MTARC2: variants seen among roughly 807,000 people sequenced by gnomAD.
MTARC2 encodes the protein MOCO sulphurase C-terminal domain containing 2.
A neutral mutation model predicts 35.6 loss-of-function variants in MTARC2; 27 were observed. That is an observed-to-expected ratio of 0.76 (90% CI 0.56 to 1.04). MTARC2 has a LOEUF of 1.04. MTARC2 is among the 50% of genes least tolerant of loss of function. The pLI, the probability that MTARC2 is intolerant of heterozygous loss-of-function variation, is 0.00. For synonymous variants in MTARC2, 158 were observed against 167.1 expected, an observed-to-expected ratio of 0.95 and a Z score of 0.42; for missense variants, 412 against 432.5, an observed-to-expected ratio of 0.95 and a Z score of 0.42.
intron 4 of MTARC2, among the ~76,000 whole-genome samples, chr1:220,775,704 G>A (rs551682253): frequency 2.2e-4 from 33 of 152,220 alleles, no homozygotes; most frequent in African/African-American, 7.7e-4. Context: ...GTAGGCTCCC[G>A]TGTCTGTTGT....
chr1:220,755,202 G>A (rs1470099434), intron 2 of MTARC2, 82 bp downstream of exon 2: 1 of 1,401,932 alleles, frequency 7.1e-7, no homozygotes, highest in East Asian at 2.4e-5. Flanking sequence ...TCTTGCTATA[G>A]TTTCTACAGT....
chr1:220,758,658 A>G (rs557327361), intron 2 of MTARC2, among the ~76,000 whole-genome samples: 19 of 152,312 alleles, frequency 1.2e-4, no homozygotes, highest in African/African-American at 4.6e-4. Context: ...ACCTCAAAGT[A>G]TCCACCTGCC....
chr1:220,762,763 G>A, intron 3 of MTARC2, 147 bp from the exon 4 acceptor site: 6 of 850,686 alleles, frequency 7.1e-6, no homozygotes, highest in Non-Finnish European at 1.1e-5. Context: ...GCCACTGCAA[G>A]CCCAAACTCA....
intron 3 of MTARC2, 121 bp downstream of exon 3, chr1:220,761,941 G>T: frequency 1.0e-6 from 1 of 984,124 alleles, no homozygotes. Flanking sequence ...AATGGCCCTG[G>T]TGAGTGATAA....
At chr1:220,780,359 A>C in intron 6 of MTARC2, 120 bp downstream of exon 6, 1 of 808,484 alleles carries the variant, frequency 1.2e-6, no homozygotes, top group Non-Finnish European at 1.9e-6. Context: ...AGAACCTTCC[A>C]GTCTACCTTC....
rs551990771 is a variant in MTARC2, at chr1:220,758,616, A to C, written c.447-3042A>C. ...TGTATTTTAGTAGAGGTGGGGTTTC[A>C]CCATGTTGGCCAGGTTGTTCTCGAA... On this transcript the variant is annotated intron_variant, in intron 2 of 7. Coordinates refer to ENST00000366913, the MANE Select transcript of MTARC2 (RefSeq NM_017898.5). 5.3e-5 allele frequency among the ~76,000 whole-genome samples: 8 copies of C among 152,112 alleles called. No individual in the cohort carries two copies. In the East Asian group the frequency reaches 1.4e-3, roughly 26 times the overall value.
intron 4 of MTARC2, among the ~76,000 whole-genome samples, chr1:220,764,900 A>G (rs953485745): frequency 6.6e-6 from 1 of 152,190 alleles, no homozygotes; most frequent in Non-Finnish European, 1.5e-5. Flanking sequence ...TTAAAATTCA[A>G]TCATCCATTA....
At chr1:220,761,558 G>T (rs1671436046) in intron 2 of MTARC2, 100 bp from the exon 3 acceptor site, 1 of 1,185,228 alleles carries the variant, frequency 8.4e-7, no homozygotes, top group Non-Finnish European at 1.2e-6. Flanking sequence ...CAGCCCTCTG[G>T]GATGGTCAGG....
intron 4 of MTARC2, among the ~76,000 whole-genome samples, chr1:220,775,380 CTAAG>C (rs1671872938): frequency 6.6e-6 from 1 of 152,104 alleles, no homozygotes; most frequent in South Asian, 2.1e-4. Context: ...TCCCATCACT[CTAAG>C]TAAATGTCAT....
At chr1:220,757,048 A>G (rs1671299247) in intron 2 of MTARC2, among the ~76,000 whole-genome samples, 1 of 152,230 alleles carries the variant, frequency 6.6e-6, no homozygotes, top group Non-Finnish European at 1.5e-5. Flanking sequence ...GATTAGAGGC[A>G]TGTGCCATGA....
intron 4 of MTARC2, 122 bp from the exon 5 acceptor site, chr1:220,779,896 G>C (rs1672019173): frequency 1.4e-6 from 1 of 693,454 alleles, no homozygotes; most frequent in Non-Finnish European, 2.2e-6. Flanking sequence ...ATATTTCTTG[G>C]TGTCACCTTG....
At position 220,761,790 on chromosome 1, in the gene MTARC2, ACTT is replaced by A. The variant is rs1473654069; in HGVS notation, c.582_584del (p.Leu195del). On this transcript the variant is annotated inframe_deletion, in exon 3 of 8. Coordinates refer to ENST00000366913, the MANE Select transcript of MTARC2 (RefSeq NM_017898.5). ...ACATGAAGGGAAGAACATCAAGAAA[ACTT>A]CTCCCCACTCTTGATCAGAATTTCC... The A allele has an allele frequency of 5.0e-6, 8 of 1,612,240 alleles. No individual in the cohort carries two copies. Among genetic ancestry groups the A allele is most frequent in the East Asian group, 2.2e-5 (1 of 44,848 alleles).
chr1:220,774,174 T>G (rs1170076841), intron 4 of MTARC2, among the ~76,000 whole-genome samples: 2 of 151,788 alleles, frequency 1.3e-5, no homozygotes, highest in Non-Finnish European at 2.9e-5. Context: ...GAAGCCATCC[T>G]CCTGCCTCAA....
intron 1 of MTARC2, among the ~76,000 whole-genome samples, chr1:220,754,115 T>G (rs1389747874): frequency 6.6e-6 from 1 of 152,172 alleles, no homozygotes. Context: ...ATATTGAAAT[T>G]TATTTTCCCT....
chr1:220,767,587 T>A (rs574595059), intron 4 of MTARC2, among the ~76,000 whole-genome samples: 8 of 152,368 alleles, frequency 5.3e-5, no homozygotes, highest in Admixed American at 4.6e-4. Context: ...GCTTCCTATC[T>A]CTGTAGTTGG....
At chr1:220,781,992 T>G (rs1033576694) in intron 7 of MTARC2, 60 bp downstream of exon 7, 4 of 1,419,728 alleles carry the variant, frequency 2.8e-6, no homozygotes, top group Non-Finnish European at 3.8e-6. Flanking sequence ...CATTTTCTTG[T>G]GTTAATTTTT....
rs573383678 is a variant in MTARC2 at position 220,777,351 on chromosome 1, G to C, written c.751-2667G>C. ...CTGAAGCACCACTATAGGCCCGGGA[G>C]GGGGTTGGAGGGGCTGGCTTGCCAC... On this transcript the variant is annotated intron_variant, in intron 4 of 7. Coordinates refer to ENST00000366913, the MANE Select transcript of MTARC2 (RefSeq NM_017898.5). Among the ~76,000 whole-genome samples, 5 of 152,258 alleles carry C rather than the reference G, an allele frequency of 3.3e-5. No homozygotes were observed. In the South Asian group the frequency reaches 8.3e-4, roughly 25 times the overall value.
chr1:220,761,032 A>C, intron 2 of MTARC2, among the ~76,000 whole-genome samples: 1 of 152,244 alleles, frequency 6.6e-6, no homozygotes, highest in East Asian at 1.9e-4. Flanking sequence ...TTACCTGTCA[A>C]CTTATAGTTC....
At chr1:220,748,867 G>A (rs551606686) in intron 1 of MTARC2, 64 bp downstream of exon 1, 1 of 1,477,728 alleles carries the variant, frequency 6.8e-7, no homozygotes, top group Non-Finnish European at 8.9e-7. Context: ...GGGGGGGCAG[G>A]TGGGGCCCGA....
Sources: gnomAD v4.1 joint callset for allele counts (sites outside exome capture counted in the v4.1 genomes callset) on GRCh38, gnomAD v4.1.1 for gene constraint, MANE v1.5 for transcripts, NCBI Gene and HGNC (gene_info 2026-07-23, HGNC 2026-07-21) for gene names.